Variants in MYH16 observed in about 807,000 individuals in gnomAD.
MYH16 encodes the protein putative uncharacterized protein MYH16.
chr7:99,259,869 T>A (rs986226688), intron 11 of MYH16, among the ~76,000 whole-genome samples: 5 of 142,292 alleles, frequency 3.5e-5, no homozygotes, highest in African/African-American at 1.4e-4. Flanking sequence ...ATATATATAT[T>A]TCTGTTTACC....
downstream of MYH16, among the ~76,000 whole-genome samples, chr7:99,309,076 T>TCA (rs1253473529): frequency 6.6e-6 from 1 of 152,194 alleles, no homozygotes; most frequent in African/African-American, 2.4e-5. Context: ...TTGCTCATGG[T>TCA]CACACACACC....
intron 36 of MYH16, among the ~76,000 whole-genome samples, chr7:99,298,270 T>C (rs1259259193): frequency 2.6e-5 from 4 of 151,866 alleles, no homozygotes; most frequent in Admixed American, 1.3e-4. Flanking sequence ...TCTTGCTCTG[T>C]TGCCTAGGCC....
intron 12 of MYH16, chr7:99,261,448 T>C (rs968354140): frequency 5.2e-5 from 8 of 153,844 alleles, no homozygotes; most frequent in African/African-American, 1.9e-4. Context: ...TTCTCTTCCT[T>C]CCCAGCCCAT....
intron 23 of MYH16, among the ~76,000 whole-genome samples, chr7:99,281,809 G>A (rs1471936623): frequency 3.9e-5 from 6 of 152,174 alleles, no homozygotes; most frequent in African/African-American, 7.2e-5. Context: ...GGCTCTGACC[G>A]GCCACCAGTG....
exon 37 of MYH16, chr7:99,299,627 A>G (rs1272498080): frequency 6.5e-6 from 1 of 153,576 alleles, no homozygotes; most frequent in Non-Finnish European, 1.5e-5. Context: ...GAACTTGTAA[A>G]GACATTGAAA....
At chr7:99,242,062 T>C (rs1791673887) in intron 1 of MYH16, among the ~76,000 whole-genome samples, 1 of 152,144 alleles carries the variant, frequency 6.6e-6, no homozygotes, top group African/African-American at 2.4e-5. Context: ...GGTTTCGCCA[T>C]TTTGGCCAGG....
At chr7:99,269,402 A>T (rs548839666) in intron 18 of MYH16, among the ~76,000 whole-genome samples, 1 of 151,938 alleles carries the variant, frequency 6.6e-6, no homozygotes, top group South Asian at 2.1e-4. Context: ...CAGCCTCTCG[A>T]GTAGCTGGGA....
At chr7:99,292,344 C>A (rs748224225) in exon 32 of MYH16, 3 of 456,780 alleles carry the variant, frequency 6.6e-6, no homozygotes, top group Non-Finnish European at 1.3e-5. Flanking sequence ...GTCTGGCCAA[C>A]ACCAAGCACG....
chr7:99,239,546 G>A (rs961875581), intron 1 of MYH16, among the ~76,000 whole-genome samples: 1 of 152,158 alleles, frequency 6.6e-6, no homozygotes, highest in Non-Finnish European at 1.5e-5. Flanking sequence ...TGTGCTGGAT[G>A]TGATGGCTTC....
chr7:99,260,088 G>A (rs1791923409), intron 11 of MYH16: 2 of 1,338,516 alleles, frequency 1.5e-6, no homozygotes, highest in East Asian at 2.5e-5. Context: ...TTTGCTTGTG[G>A]TCGCTTCATT....
intron 33 of MYH16, among the ~76,000 whole-genome samples, chr7:99,294,899 G>T (rs547918323): frequency 2.6e-5 from 4 of 152,128 alleles, no homozygotes; most frequent in African/African-American, 7.2e-5. Flanking sequence ...ATTTAGCCAG[G>T]TGTGGTGGCA....
At chr7:99,280,389 G>A (rs1314717206) in intron 22 of MYH16, among the ~76,000 whole-genome samples, 3 of 152,246 alleles carry the variant, frequency 2.0e-5, no homozygotes, top group Non-Finnish European at 4.4e-5. Context: ...TCCACCTTCA[G>A]CTGTTGAATT....
chr7:99,306,862 G>GT (rs1792690040), downstream of MYH16: 1 of 152,478 alleles, frequency 6.6e-6, no homozygotes, highest in Non-Finnish European at 1.5e-5. Flanking sequence ...GCTCTGGACG[G>GT]TCTCGCTCAG....
chr7:99,269,668 C>G (rs1037466557), intron 18 of MYH16, among the ~76,000 whole-genome samples: 2 of 152,144 alleles, frequency 1.3e-5, no homozygotes, highest in African/African-American at 4.8e-5. Context: ...TTGACACACC[C>G]TTCCGTGACA....
chr7:99,283,060 C>T (rs1337513221), intron 23 of MYH16, among the ~76,000 whole-genome samples: 1 of 152,172 alleles, frequency 6.6e-6, no homozygotes, highest in Non-Finnish European at 1.5e-5. Context: ...GAGGAACCTC[C>T]AATCACTGTG....
At chr7:99,280,901 T>G (rs1298155135) in exon 23 of MYH16, 1 of 418,496 alleles carries the variant, frequency 2.4e-6, no homozygotes, top group Non-Finnish European at 4.8e-6. Flanking sequence ...GTCCGTACCC[T>G]GACGGGGGAC....
At chr7:99,280,441 TG>T (rs1562781254) in intron 22 of MYH16, among the ~76,000 whole-genome samples, 1 of 152,236 alleles carries the variant, frequency 6.6e-6, no homozygotes, top group Non-Finnish European at 1.5e-5. Context: ...AACAGCTCCC[TG>T]GGGGAAGCCC....
rs544081094 is a variant in MYH16, at chr7:99,262,186, A to G, written n.1755+553A>G. On this transcript the variant is annotated intron_variant and non_coding_transcript_variant, in intron 13 of 41. Transcript: ENST00000439784. ...GAGGTGACGTTCATCCTGCCAGCTTATAAGAATGCATTTTGTTTCCTTGGG... is the reference window on the plus strand; with the variant it reads ...GAGGTGACGTTCATCCTGCCAGCTTGTAAGAATGCATTTTGTTTCCTTGGG... 9.8e-5 allele frequency among the ~76,000 whole-genome samples: 15 copies of G among 152,316 alleles called. No individual in the cohort carries two copies. In the East Asian group the frequency reaches 2.7e-3, roughly 27 times the overall value.
chr7:99,308,413 C>G (rs1792711903), downstream of MYH16, among the ~76,000 whole-genome samples: 1 of 150,648 alleles, frequency 6.6e-6, no homozygotes, highest in Non-Finnish European at 1.5e-5. Context: ...GGGAGTAGAT[C>G]TAAAAGGAGA....
Sources: gnomAD v4.1 joint callset for allele counts (sites outside exome capture counted in the v4.1 genomes callset) on GRCh38, gnomAD v4.1.1 for gene constraint, MANE v1.5 for transcripts, NCBI Gene and HGNC (gene_info 2026-07-23, HGNC 2026-07-21) for gene names.